The following C8B variants were observed in gnomAD, a reference collection of about 807,000 sequenced individuals.
C8B encodes the protein complement component C8 beta chain.
Under a neutral mutation model 64.6 loss-of-function variants are expected in C8B, and 67 were observed. The observed-to-expected ratio is 1.04, with a 90% CI of 0.85 to 1.27. The LOEUF is 1.27. C8B is among the 50% of genes most tolerant of loss of function. The pLI is 0.00. For synonymous variants in C8B, 284 were observed against 257.7 expected, an observed-to-expected ratio of 1.10 and a Z score of -0.98; for missense variants, 790 against 725.2, an observed-to-expected ratio of 1.09 and a Z score of -1.03.
At chr1:56,933,949 T>A (rs652553) in intron 9 of C8B, among the ~76,000 whole-genome samples, 1 of 151,954 alleles carries the variant, frequency 6.6e-6, no homozygotes, top group Non-Finnish European at 1.5e-5. Context: ...ATAGGGGTAC[T>A]GTCCCAACAT....
At chr1:56,951,909 A>G in intron 5 of C8B, 139 bp downstream of exon 5, 1 of 876,132 alleles carries the variant, frequency 1.1e-6, no homozygotes, top group South Asian at 1.4e-5. Flanking sequence ...TGTCTGGAGG[A>G]AGGAACTGCC....
chr1:56,961,462 G>T (rs116786146), intron 1 of C8B, among the ~76,000 whole-genome samples: 5,403 of 152,230 alleles, frequency 0.035, 285 homozygotes, highest in African/African-American at 0.12. Flanking sequence ...ACACATCCAC[G>T]GTCATGCAGC....
At chr1:56,953,413 G>C (rs1461575584) in intron 4 of C8B, among the ~76,000 whole-genome samples, 1 of 152,228 alleles carries the variant, frequency 6.6e-6, no homozygotes, top group East Asian at 1.9e-4. Context: ...ACACACAATG[G>C]CTCATTTAAT....
chr1:56,963,392 G>T (rs547186344), intron 1 of C8B, among the ~76,000 whole-genome samples: 2 of 152,240 alleles, frequency 1.3e-5, no homozygotes, highest in Non-Finnish European at 2.9e-5. Flanking sequence ...CATCCCCTTT[G>T]CAAACAGCAT....
chr1:56,964,108 G>T, intron 1 of C8B: 1 of 527,380 alleles, frequency 1.9e-6, no homozygotes, highest in Non-Finnish European at 2.4e-6. Context: ...TCTTGTCACT[G>T]AGGATCAGTT....
intron 1 of C8B, chr1:56,964,109 AG>A (rs1277486007): frequency 2.1e-5 from 11 of 519,570 alleles, no homozygotes; most frequent in Non-Finnish European, 2.7e-5. Context: ...CTTGTCACTG[AG>A]GATCAGTTTG....
At chr1:56,951,017 G>C (rs1645013384) in intron 5 of C8B, among the ~76,000 whole-genome samples, 1 of 152,132 alleles carries the variant, frequency 6.6e-6, no homozygotes, top group African/African-American at 2.4e-5. Flanking sequence ...TTCTTTCTTG[G>C]CTAAAAAGTG....
chr1:56,935,920 T>G (rs1644768942), intron 9 of C8B, among the ~76,000 whole-genome samples: 1 of 152,232 alleles, frequency 6.6e-6, no homozygotes, highest in South Asian at 2.1e-4. Context: ...CTCACTTTCT[T>G]CACTTAACAT....
At position 56,931,872 on chromosome 1, in the gene C8B, C is replaced by A. The variant is rs779852251; in HGVS notation, c.1559G>T (p.Arg520Leu). 4 of 1,611,270 alleles carry A rather than the reference C, an allele frequency of 2.5e-6. No individual in the cohort carries two copies. Among genetic ancestry groups the A allele is most frequent in the Admixed American group, 1.7e-5 (1 of 59,920 alleles). Residue 520 changes from arginine (R) to leucine (L), a missense_variant, in exon 11 of 12, where the codon CGC becomes CTC. Coordinates refer to ENST00000371237, the MANE Select transcript of C8B (RefSeq NM_000066.4). ...GNGVPVLKGS[R>L]CDCICPVGSQ... ...TCCAACAGGACAGATGCAGTCACAGCGTGATCCTGAGAAGACAAGGCAGAG... is the reference window on the plus strand; with the variant it reads ...TCCAACAGGACAGATGCAGTCACAGAGTGATCCTGAGAAGACAAGGCAGAG...
intron 1 of C8B, among the ~76,000 whole-genome samples, chr1:56,965,116 A>G (rs887283412): frequency 6.6e-6 from 1 of 152,148 alleles, no homozygotes; most frequent in Non-Finnish European, 1.5e-5. Flanking sequence ...AAGTAAAAGG[A>G]ATGGAATTAC....
chr1:56,964,099 C>G, intron 1 of C8B: 1 of 602,920 alleles, frequency 1.7e-6, no homozygotes, highest in Non-Finnish European at 2.1e-6. Context: ...TGAATCTTTT[C>G]TTGTCACTGA....
rs908976287 is a variant in C8B, at chr1:56,959,568, G to C, written c.249+452C>G. 4 of 1,534,862 alleles carry C rather than the reference G, an allele frequency of 2.6e-6. No individual in the cohort carries two copies. The African/African-American group carries it at 5.5e-5, about 21-fold the overall frequency. Reference sequence around the variant, plus strand: ...TGAAGAAACGCCCAGAGAGAGTGAAGGCCAGAGTCATACAAGTGTCCATTG... The same window carrying C: ...TGAAGAAACGCCCAGAGAGAGTGAACGCCAGAGTCATACAAGTGTCCATTG... On this transcript the variant is annotated intron_variant, in intron 2 of 11. Coordinates refer to ENST00000371237, the MANE Select transcript of C8B (RefSeq NM_000066.4).
chr1:56,956,908 G>A lies in C8B; in HGVS notation c.252C>T (p.Tyr84=), dbSNP rs1214552147. ...TTCDPCQKKR[Y]RYAYLLQPSQ... The stretch of plus-strand genomic sequence containing the variant: ...AGGGCTGGAGCAAGTAGGCATACCT[G>A]TACTGTAGCAGAGAGGAGCCAGGTG... Residue 84 remains tyrosine (Y), a splice_region_variant and synonymous_variant, in exon 3 of 12, where the codon TAC becomes TAT. Coordinates refer to ENST00000371237, the MANE Select transcript of C8B (RefSeq NM_000066.4). 1 of 1,614,072 alleles carries A rather than the reference G, an allele frequency of 6.2e-7. No homozygotes were observed.
chr1:56,950,048 G>A (rs769282136), intron 5 of C8B, among the ~76,000 whole-genome samples: 6 of 152,220 alleles, frequency 3.9e-5, no homozygotes, highest in Non-Finnish European at 8.8e-5. Context: ...CAAAAGCATG[G>A]AGGTGGGAAA....
intron 1 of C8B, among the ~76,000 whole-genome samples, chr1:56,965,008 T>A (rs914404985): frequency 6.6e-6 from 1 of 152,226 alleles, no homozygotes; most frequent in Admixed American, 6.5e-5. Flanking sequence ...TGGTTCCTAA[T>A]GGCAGCTCAA....
chr1:56,940,398 C>T (rs199825246), intron 9 of C8B, among the ~76,000 whole-genome samples: 1 of 148,252 alleles, frequency 6.7e-6, no homozygotes, highest in Admixed American at 6.7e-5. Flanking sequence ...GACCCCATTT[C>T]TAAAAAAAAA....
chr1:56,944,129 C>A (rs1268180048), intron 7 of C8B, among the ~76,000 whole-genome samples: 3 of 152,206 alleles, frequency 2.0e-5, no homozygotes, highest in African/African-American at 7.2e-5. Context: ...TATTGATTCT[C>A]TAGGGATAGA....
chr1:56,941,057 G>GC (rs777936578), intron 8 of C8B, 45 bp from the exon 9 acceptor site: 2 of 1,607,386 alleles, frequency 1.2e-6, no homozygotes, highest in Non-Finnish European at 1.7e-6. Flanking sequence ...ATATCCCTTT[G>GC]CCCCCTAGAA....
At chr1:56,945,019 T>C (rs1434142921) in intron 7 of C8B, among the ~76,000 whole-genome samples, 7 of 152,296 alleles carry the variant, frequency 4.6e-5, no homozygotes, top group African/African-American at 1.7e-4. Context: ...GGTGGAATAT[T>C]ACTTTGGAGA....
Sources: allele counts gnomAD v4.1 joint callset (sites outside exome capture counted in the v4.1 genomes callset), GRCh38; gene constraint gnomAD v4.1.1; transcripts MANE v1.5; gene names NCBI Gene and HGNC (gene_info 2026-07-23, HGNC 2026-07-21).